The following MYO1E variants were observed in gnomAD, a reference collection of about 807,000 sequenced individuals.
The protein encoded by MYO1E is unconventional myosin-Ie.
In MYO1E, 68 loss-of-function variants were observed where a neutral mutation model predicts 151.1. The ratio of observed to expected loss-of-function variants is 0.45; its 90% CI spans 0.37 to 0.55. The LOEUF (loss-of-function observed/expected upper bound fraction) is 0.55, where lower values mean the gene tolerates loss of function less well. Ranked by LOEUF, MYO1E falls within the 20% of genes least tolerant of loss-of-function variation. The probability of loss-of-function intolerance (pLI) is 0.00; values close to 1 mark genes in which losing one functional copy is unlikely to be tolerated. For missense variants in MYO1E, 1,363 were observed against 1,389.3 expected, an observed-to-expected ratio of 0.98 and a Z score of 0.30; for synonymous variants, 601 against 501.7, an observed-to-expected ratio of 1.20 and a Z score of -2.64.
chr15:59,217,004 A>C (rs2079922916), intron 10 of MYO1E, among the ~76,000 whole-genome samples: 1 of 152,070 alleles, frequency 6.6e-6, no homozygotes, highest in South Asian at 2.1e-4. Flanking sequence ...AGGTCCATGC[A>C]GCAAGGGGCT....
chr15:59,372,423 G>C (rs2080952553), intron 1 of MYO1E, 75 bp downstream of exon 1: 2 of 1,525,540 alleles, frequency 1.3e-6, no homozygotes, highest in African/African-American at 1.4e-5. Flanking sequence ...GCGCGCCCAA[G>C]GTGGGTGCAC....
intron 4 of MYO1E, among the ~76,000 whole-genome samples, chr15:59,246,701 T>C (rs766350977): frequency 4.6e-5 from 7 of 152,232 alleles, no homozygotes; most frequent in African/African-American, 7.2e-5. Flanking sequence ...AAATAGGCCA[T>C]AGAGAACCAT....
Position 59,214,327 on chromosome 15 carries a change from A to T in MYO1E, c.1189-13T>A. 1 of 1,561,536 alleles carries T rather than the reference A, an allele frequency of 6.4e-7. No homozygotes were observed. ...CAAAGCCATTTTTCTGGAAAAAAAA[A>T]GTTATTCACATGTAATTCTTTCACA... On this transcript the variant is annotated splice_polypyrimidine_tract_variant and intron_variant, in intron 11 of 27. Coordinates refer to ENST00000288235, the MANE Select transcript of MYO1E (RefSeq NM_004998.4).
chr15:59,364,502 C>G (rs1211247001), intron 1 of MYO1E, among the ~76,000 whole-genome samples: 2 of 152,318 alleles, frequency 1.3e-5, no homozygotes, highest in Non-Finnish European at 2.9e-5. Context: ...GATTATAATA[C>G]TGCCACCAAA....
At chr15:59,230,900 A>G (rs558802429) in intron 6 of MYO1E, among the ~76,000 whole-genome samples, 2 of 152,258 alleles carry the variant, frequency 1.3e-5, no homozygotes, top group South Asian at 2.1e-4. Flanking sequence ...TATGGTTGAA[A>G]TAAGATGCAA....
intron 22 of MYO1E, among the ~76,000 whole-genome samples, chr15:59,167,783 T>C (rs1248979214): frequency 6.6e-6 from 1 of 152,214 alleles, no homozygotes; most frequent in African/African-American, 2.4e-5. Flanking sequence ...CTCAAGCGAT[T>C]CTCCTGCCGC....
At chr15:59,296,969 A>G (rs1468076010) in intron 1 of MYO1E, among the ~76,000 whole-genome samples, 1 of 126,610 alleles carries the variant, frequency 7.9e-6, no homozygotes, top group South Asian at 3.2e-4. Flanking sequence ...CCTCCCGAGT[A>G]GGTGGGACTA....
intron 4 of MYO1E, 121 bp from the exon 5 acceptor site, chr15:59,236,793 G>GA: frequency 1.0e-6 from 1 of 970,366 alleles, no homozygotes. Context: ...AGGCAGAAAA[G>GA]AATTTTTTTT....
At position 59,236,108 on chromosome 15, in the gene MYO1E, G is replaced by A. The variant is rs552942132; in HGVS notation, c.420+477C>T. ...CTTAATCCCAGCACTTTGGGAGGCC[G>A]AGGAGGGCAGATCACCTGAGGTCAG... is the stretch of plus-strand genomic sequence containing the variant. On this transcript the variant is annotated intron_variant, in intron 5 of 27. Transcript: ENST00000288235. 5.3e-5 allele frequency among the ~76,000 whole-genome samples: 8 copies of A among 152,008 alleles called. No homozygotes were observed. The South Asian group carries it at 1.7e-3, about 32-fold the overall frequency.
At chr15:59,285,471 C>T (rs765904449) in intron 1 of MYO1E, among the ~76,000 whole-genome samples, 5 of 149,182 alleles carry the variant, frequency 3.4e-5, no homozygotes, top group Non-Finnish European at 7.4e-5. Flanking sequence ...CATTCTCCTG[C>T]CTCAGCCCCC....
At chr15:59,333,790 G>A (rs2140424534) in intron 1 of MYO1E, among the ~76,000 whole-genome samples, 1 of 152,254 alleles carries the variant, frequency 6.6e-6, no homozygotes, top group Middle Eastern at 3.4e-3. Flanking sequence ...ACAAGAGTGA[G>A]TTCAGTAAAT....
At chr15:59,243,556 G>A (rs148666485) in intron 4 of MYO1E, among the ~76,000 whole-genome samples, 125 of 152,284 alleles carry the variant, frequency 8.2e-4, no homozygotes, top group Non-Finnish European at 1.3e-3. Context: ...GTCTGTGTCA[G>A]GGGCAAGAGC....
intron 1 of MYO1E, among the ~76,000 whole-genome samples, chr15:59,286,092 C>T (rs565606341): frequency 6.6e-6 from 1 of 152,308 alleles, no homozygotes; most frequent in African/African-American, 2.4e-5. Flanking sequence ...TGAACTATCA[C>T]CCTGTACCAT....
In MYO1E at chr15:59,227,497, T is replaced by G; in HGVS notation, c.604A>C (p.Arg202=). The change falls in exon 7 of 28, where the codon AGG becomes CGG. Residue 202 remains arginine, a synonymous_variant. Transcript: ENST00000288235. The part of the protein sequence containing the change: ...FLLEKSRVVM[R]NPGERSFHIF... Reference sequence around the variant, plus strand: ...TGAAAACTCCGCTCTCCTGGGTTCCTCATCACCACCCTAGATTTTTCCAGA... The same window carrying G: ...TGAAAACTCCGCTCTCCTGGGTTCCGCATCACCACCCTAGATTTTTCCAGA... 1 of 1,614,190 alleles carries G rather than the reference T, an allele frequency of 6.2e-7. No homozygotes were observed. The highest frequency in any genetic ancestry group is 8.5e-7 in the Non-Finnish European group (1 of 1,180,024).
At chr15:59,226,296 TGAGCTAC>T (rs1188025493) in intron 7 of MYO1E, among the ~76,000 whole-genome samples, 2 of 152,212 alleles carry the variant, frequency 1.3e-5, no homozygotes, top group African/African-American at 4.8e-5. Flanking sequence ...AGATTGAATG[TGAGCTAC>T]TTCCACAGTT....
chr15:59,221,427 T>TAA (rs1157714379), intron 9 of MYO1E, among the ~76,000 whole-genome samples: 1 of 152,126 alleles, frequency 6.6e-6, no homozygotes, highest in African/African-American at 2.4e-5. Flanking sequence ...ACACATCCTT[T>TAA]AAAGGGAACA....
chr15:59,183,831 C>T (rs1436994090), intron 18 of MYO1E, among the ~76,000 whole-genome samples: 1 of 152,124 alleles, frequency 6.6e-6, no homozygotes, highest in Non-Finnish European at 1.5e-5. Context: ...TTCCCCTTCC[C>T]CCACTACCCT....
rs1274127299 is a variant in MYO1E at position 59,372,849 on chromosome 15, C to G, written c.-349G>C. On this transcript the variant is annotated 5_prime_UTR_variant, in exon 1 of 28. Transcript: ENST00000288235. ...ACTCCTCTTTCTTCGGCCACTTAATCCGTACTCCTCTGGCTGAGTCTCGGC... is the reference window on the plus strand; with the variant it reads ...ACTCCTCTTTCTTCGGCCACTTAATGCGTACTCCTCTGGCTGAGTCTCGGC... 1 of 402,704 alleles carries G rather than the reference C, an allele frequency of 2.5e-6. No homozygotes were observed. The highest frequency in any genetic ancestry group is 4.5e-6 in the Non-Finnish European group (1 of 223,584). 24.9% of individuals were successfully genotyped at this position (402,704 alleles called of 1,614,324 possible).
At chr15:59,191,487 G>A (rs1006973785) in intron 17 of MYO1E, among the ~76,000 whole-genome samples, 1 of 152,046 alleles carries the variant, frequency 6.6e-6, no homozygotes, top group African/African-American at 2.4e-5. Context: ...AAAAATGCAT[G>A]AAAAATGCAT....
Sources: gnomAD v4.1 joint callset for allele counts (sites outside exome capture counted in the v4.1 genomes callset) on GRCh38, gnomAD v4.1.1 for gene constraint, MANE v1.5 for transcripts, NCBI Gene and HGNC (gene_info 2026-07-23, HGNC 2026-07-21) for gene names.